The following VASH2 variants were observed in gnomAD, a reference collection of about 807,000 sequenced individuals.
The protein encoded by VASH2 is tubulinyl-Tyr carboxypeptidase 2.
Under a neutral mutation model 37.2 loss-of-function variants are expected in VASH2, and 28 were observed. The ratio of observed to expected loss-of-function variants is 0.75; its 90% confidence interval spans 0.56 to 1.03. VASH2 has a LOEUF of 1.03. Among genes scored for constraint, VASH2 ranks in the 50% least tolerant of loss-of-function variants. VASH2 has a pLI of 0.00. For missense variants in VASH2, 419 were observed against 459.1 expected (o/e 0.91, Z 0.80); for synonymous variants, 188 against 174.7 (o/e 1.08, Z -0.60).
chr1:212,961,630 A>G (rs1241025220), intron 3 of VASH2, among the ~76,000 whole-genome samples: 1 of 151,716 alleles, frequency 6.6e-6, no homozygotes, highest in Admixed American at 6.6e-5. Flanking sequence ...TGACATGAGG[A>G]CTTGCTTTGT....
chr1:212,960,716 T>C (rs1320370145), intron 2 of VASH2, among the ~76,000 whole-genome samples: 1 of 152,162 alleles, frequency 6.6e-6, no homozygotes, highest in Admixed American at 6.5e-5. Flanking sequence ...TCTGTGTAAA[T>C]GTTGCCCTGC....
chr1:212,984,316 A>G (rs754700129), intron 7 of VASH2, among the ~76,000 whole-genome samples: 2 of 152,188 alleles, frequency 1.3e-5, no homozygotes, highest in Non-Finnish European at 2.9e-5. Flanking sequence ...GTGAGGAATT[A>G]AGGTGAGTGG....
chr1:212,958,050 G>A (rs1434395212), intron 2 of VASH2, among the ~76,000 whole-genome samples: 2 of 152,228 alleles, frequency 1.3e-5, no homozygotes, highest in Non-Finnish European at 2.9e-5. Context: ...GCTTAGAGAG[G>A]TCATGCAGCT....
chr1:212,980,845 G>A (rs1667318370), intron 7 of VASH2, among the ~76,000 whole-genome samples: 1 of 152,194 alleles, frequency 6.6e-6, no homozygotes, highest in Non-Finnish European at 1.5e-5. Flanking sequence ...GGAAGGCTAC[G>A]AAGGGAAAAG....
chr1:212,951,474 C>T lies in VASH2; in HGVS notation c.-69C>T. ...CCCTCGCCGCGCCCGCGCGCACACG[C>T]CCCCCGCCGCCGCCGCCGCTGCCGC... On this transcript the variant is annotated 5_prime_UTR_variant, in exon 2 of 8. Coordinates refer to ENST00000517399, the MANE Select transcript of VASH2 (RefSeq NM_001301056.2). This position sits in a 1 kb window ranked among gnomAD's most constrained non-coding sequence, Gnocchi z 4.4. The T allele has an allele frequency of 2.0e-6, 2 of 1,009,122 alleles. No homozygotes were observed. Among genetic ancestry groups the T allele is most frequent in the Non-Finnish European group, 2.4e-6 (2 of 820,758 alleles). The allele number at this position is 1,009,122 out of a possible 1,614,324, so 62.5% of individuals were successfully genotyped here. A position where few individuals can be genotyped will look rare whatever the true frequency, so the allele number is the denominator to read the frequency against.
At chr1:212,966,658 G>A (rs1026833905) in intron 5 of VASH2, among the ~76,000 whole-genome samples, 7 of 152,204 alleles carry the variant, frequency 4.6e-5, no homozygotes, top group Non-Finnish European at 1.0e-4. Flanking sequence ...TAGAGAGAGT[G>A]TGTATGTGGC....
intron 5 of VASH2, chr1:212,966,955 G>A: frequency 1.3e-5 from 6 of 459,094 alleles, no homozygotes; most frequent in South Asian, 9.9e-5. Context: ...TTCACCAGCA[G>A]GCTGGTCTCA....
chr1:212,973,235 T>C (rs1277873568), intron 6 of VASH2, among the ~76,000 whole-genome samples: 2 of 152,228 alleles, frequency 1.3e-5, no homozygotes, highest in Admixed American at 1.3e-4. Context: ...GTTTTGTCGA[T>C]GTAATAGGGT....
At chr1:212,968,769 G>T in intron 5 of VASH2, 8 of 985,542 alleles carry the variant, frequency 8.1e-6, no homozygotes, top group Non-Finnish European at 9.6e-6. Context: ...TTTAATGGGG[G>T]CAGATGATTG....
At chr1:212,973,124 A>G (rs1667061811) in intron 6 of VASH2, among the ~76,000 whole-genome samples, 163 bp downstream of exon 6, 1 of 152,158 alleles carries the variant, frequency 6.6e-6, no homozygotes, top group South Asian at 2.1e-4. Flanking sequence ...TCTAAAATCA[A>G]TTTAGATGCG....
At chr1:212,958,389 T>C (rs1652682759) in intron 2 of VASH2, among the ~76,000 whole-genome samples, 1 of 152,202 alleles carries the variant, frequency 6.6e-6, no homozygotes, top group Non-Finnish European at 1.5e-5. Flanking sequence ...TGCACTCTGC[T>C]TACAGCCAGG....
At chr1:212,962,977 CT>C (rs113122383) in intron 3 of VASH2, among the ~76,000 whole-genome samples, 7,812 of 146,692 alleles carry the variant, frequency 0.053, 235 homozygotes, top group Admixed American at 0.095. Flanking sequence ...CTCCCCATCT[CT>C]TTTTTTTTTT....
chr1:212,973,081 CT>C, intron 6 of VASH2, 120 bp downstream of exon 6: 2 of 1,315,902 alleles, frequency 1.5e-6, no homozygotes, highest in East Asian at 5.0e-5. Flanking sequence ...AGGTTAAAGT[CT>C]CTCTTTGCAC....
chr1:212,973,007 C>A, intron 6 of VASH2, 46 bp downstream of exon 6: 1 of 1,574,664 alleles, frequency 6.4e-7, no homozygotes, highest in South Asian at 1.2e-5. Flanking sequence ...AGCTCTTTTC[C>A]CATTCCTTTC....
intron 7 of VASH2, among the ~76,000 whole-genome samples, chr1:212,987,668 G>T (rs567351179): frequency 3.9e-5 from 6 of 152,254 alleles, no homozygotes; most frequent in Admixed American, 3.9e-4. Context: ...TTTTGAATTA[G>T]AACTCACTAG....
rs185093740 is a variant in VASH2 at position 212,972,684 on chromosome 1, A to G, written c.602A>G (p.Asn201Ser). 5.6e-6 allele frequency: 9 copies of G among 1,614,242 alleles called. No individual in the cohort carries two copies. Among genetic ancestry groups the G allele is most frequent in the African/African-American group, 1.3e-5 (1 of 75,066 alleles). ...CACGTTGTGCTGGGGATTTACTGCA[A>G]TGGCCGCTATGGCTCATTGGGCATG... ...FHHVVLGIYC[N>S]GRYGSLGMSR... The change falls in exon 6 of 8, where the codon AAT becomes AGT. Residue 201 changes from asparagine (N) to serine (S), a missense_variant. Asn to Ser is a conservative substitution (Grantham distance 46). Around this residue, in one of 3 missense-constraint regions of VASH2, gnomAD observed 84 missense variants for 129.9 expected, o/e 0.65. Transcript: ENST00000517399.
intron 7 of VASH2, among the ~76,000 whole-genome samples, chr1:212,976,633 T>C (rs1358696625): frequency 6.6e-6 from 1 of 150,652 alleles, no homozygotes. Context: ...GAACAGAAGA[T>C]GGAAGAGGAA....
chr1:212,981,266 T>C (rs1478803019), intron 7 of VASH2, among the ~76,000 whole-genome samples: 1 of 152,224 alleles, frequency 6.6e-6, no homozygotes, highest in African/African-American at 2.4e-5. Flanking sequence ...TCTGTTTACA[T>C]AGCAACATCA....
Position 212,961,294 on chromosome 1 carries a change from G to C in VASH2, c.365+40G>C, listed in dbSNP as rs757466503. Reference sequence around the variant, plus strand: ...AAGGTCTGAGCACACCCAGCCAGGGGACAGGCATGGTGATCGCAAGCCTGG... The same window carrying C: ...AAGGTCTGAGCACACCCAGCCAGGGCACAGGCATGGTGATCGCAAGCCTGG... On this transcript the variant is annotated intron_variant, in intron 3 of 7. Coordinates refer to ENST00000517399, the MANE Select transcript of VASH2 (RefSeq NM_001301056.2). 2.2e-5 allele frequency: 36 copies of C among 1,613,614 alleles called. No individual in the cohort carries two copies. The African/African-American group carries it at 4.0e-4, about 18-fold the overall frequency.
Sources: allele counts gnomAD v4.1 joint callset (sites outside exome capture counted in the v4.1 genomes callset), GRCh38; gene constraint gnomAD v4.1.1; regional missense constraint gnomAD v4.1.1; non-coding constraint Gnocchi (gnomAD v3.1); transcripts MANE v1.5; gene names NCBI Gene and HGNC (gene_info 2026-07-23, HGNC 2026-07-21).